The following RAB31 variants were observed in gnomAD, a reference collection of about 807,000 sequenced individuals.
RAB31 encodes ras-related protein Rab-31.
RAB31 carries 21 observed loss-of-function variants against 25.6 expected under a neutral mutation model. That is an observed-to-expected ratio of 0.82 (90% confidence interval 0.58 to 1.18). The LOEUF is 1.18. Ranked by LOEUF, RAB31 falls within the 50% of genes most tolerant of loss-of-function variation. The pLI, the probability that RAB31 is intolerant of heterozygous loss-of-function variation, is 0.00. For missense variants in RAB31, 196 were observed against 250.1 expected (o/e 0.78, Z 1.46); for synonymous variants, 87 against 84.0 (o/e 1.04, Z -0.20).
intron 3 of RAB31, among the ~76,000 whole-genome samples, chr18:9,811,282 A>T (rs74703673): frequency 0.018 from 2,707 of 152,274 alleles, 78 homozygotes; most frequent in African/African-American, 0.061. Context: ...CTTTCTCTTC[A>T]GGATGGAGAC....
intron 1 of RAB31, among the ~76,000 whole-genome samples, chr18:9,772,586 G>A (rs755485372): frequency 6.6e-6 from 1 of 152,234 alleles, no homozygotes; most frequent in African/African-American, 2.4e-5. Context: ...CCTGTTGGGC[G>A]AGTGAAGAAT....
chr18:9,724,202 C>T (rs1599012814), intron 1 of RAB31, among the ~76,000 whole-genome samples: 1 of 121,654 alleles, frequency 8.2e-6, no homozygotes, highest in South Asian at 3.0e-4. Flanking sequence ...ACCCGGGAGG[C>T]GGAGCTTGCA....
chr18:9,753,602 G>A (rs9946546), intron 1 of RAB31, among the ~76,000 whole-genome samples: 70,926 of 152,028 alleles, frequency 0.47, 16,667 homozygotes, highest in South Asian at 0.52. Flanking sequence ...TTGGCTCTGA[G>A]CTTTTTTCTT....
rs1181730979 is a variant in RAB31, at chr18:9,708,941, C to T, written c.39+497C>T. Among the ~76,000 whole-genome samples, 1 of 152,194 alleles carries T rather than the reference C, an allele frequency of 6.6e-6. No individual in the cohort carries two copies. The highest frequency in any genetic ancestry group is 1.5e-5 in the Non-Finnish European group (1 of 68,038). ...GCCAAGTCGCTGAGTGCTCTTTTGC[C>T]TCCTGGGGGCAATTGATTTACTCAC... On this transcript the variant is annotated intron_variant, in intron 1 of 6. Coordinates refer to ENST00000578921, the MANE Select transcript of RAB31 (RefSeq NM_006868.4). This position sits in a 1 kb window ranked among gnomAD's most constrained non-coding sequence, Gnocchi z 6.4.
At chr18:9,759,579 TTTAGGGGGA>T (rs149203738) in intron 1 of RAB31, among the ~76,000 whole-genome samples, 22,255 of 151,574 alleles carry the variant, frequency 0.15, 1,664 homozygotes, top group East Asian at 0.18. Flanking sequence ...TTCCATATGA[TTTAGGGGGA>T]TATTGGATGC....
intron 1 of RAB31, among the ~76,000 whole-genome samples, chr18:9,741,401 A>T (rs1470553199): frequency 1.3e-5 from 2 of 148,156 alleles, no homozygotes; most frequent in African/African-American, 2.6e-5. Context: ...AAAAAAAAAA[A>T]AAGGCAGCTG....
intron 1 of RAB31, among the ~76,000 whole-genome samples, chr18:9,749,547 A>G (rs1026831900): frequency 3.9e-5 from 6 of 152,200 alleles, no homozygotes; most frequent in Non-Finnish European, 8.8e-5. Context: ...TTTCTGGTCC[A>G]GTTCCCTAAG....
intron 5 of RAB31, among the ~76,000 whole-genome samples, chr18:9,834,802 G>A (rs141134114): frequency 6.6e-5 from 10 of 152,206 alleles, no homozygotes; most frequent in East Asian, 3.9e-4. Flanking sequence ...GATTTTCTTC[G>A]AAGACAGAGT....
intron 5 of RAB31, among the ~76,000 whole-genome samples, chr18:9,829,902 A>G (rs1430534309): frequency 6.6e-6 from 1 of 152,094 alleles, no homozygotes; most frequent in East Asian, 1.9e-4. Flanking sequence ...AAAAAAATAT[A>G]TACTTGATGC....
At chr18:9,857,667 A>AGATAGAT (rs1555693015) in intron 6 of RAB31, among the ~76,000 whole-genome samples, 1 of 125,848 alleles carries the variant, frequency 7.9e-6, no homozygotes, top group African/African-American at 2.8e-5. Flanking sequence ...ATAGATAGAT[A>AGATAGAT]GATAGATAGA....
chr18:9,819,283 A>G (rs535173059), intron 5 of RAB31, among the ~76,000 whole-genome samples: 2 of 152,138 alleles, frequency 1.3e-5, no homozygotes, highest in Non-Finnish European at 2.9e-5. Flanking sequence ...ATCTTTTGCC[A>G]TGTGGATATC....
intron 5 of RAB31, among the ~76,000 whole-genome samples, chr18:9,840,450 C>T (rs2068727746): frequency 6.6e-6 from 1 of 152,166 alleles, no homozygotes; most frequent in African/African-American, 2.4e-5. Flanking sequence ...CCTGTGGTGG[C>T]AGCCTTTCTG....
intron 1 of RAB31, among the ~76,000 whole-genome samples, chr18:9,709,597 T>TCGGCTCCCATCAC (rs1374243732): frequency 2.0e-5 from 3 of 152,184 alleles, no homozygotes; most frequent in Non-Finnish European, 4.4e-5. Flanking sequence ...GCTCCCATCA[T>TCGGCTCCCATCAC]CGGCTCCCAT....
intron 1 of RAB31, among the ~76,000 whole-genome samples, chr18:9,740,720 A>G (rs535977493): frequency 6.6e-6 from 1 of 152,292 alleles, no homozygotes; most frequent in South Asian, 2.1e-4. Context: ...CTCAAAAAAA[A>G]AAATTCTTTT....
intron 1 of RAB31, among the ~76,000 whole-genome samples, chr18:9,753,081 T>C (rs1599024710): frequency 1.3e-5 from 2 of 152,258 alleles, no homozygotes; most frequent in Non-Finnish European, 2.9e-5. Flanking sequence ...GGGATTCTTA[T>C]TAAGTTGTCT....
chr18:9,779,646 T>C (rs1240363647), intron 2 of RAB31, among the ~76,000 whole-genome samples: 1 of 152,194 alleles, frequency 6.6e-6, no homozygotes, highest in Non-Finnish European at 1.5e-5. Flanking sequence ...ACTAAAAATT[T>C]ATTAGTTCTT....
chr18:9,762,385 G>C (rs896243709), intron 1 of RAB31, among the ~76,000 whole-genome samples: 7 of 152,198 alleles, frequency 4.6e-5, no homozygotes, highest in Non-Finnish European at 1.5e-5. Flanking sequence ...TGCCTTGCTT[G>C]GTAAGCCAGG....
At chr18:9,802,320 C>T (rs986773687) in intron 3 of RAB31, among the ~76,000 whole-genome samples, 28 of 152,330 alleles carry the variant, frequency 1.8e-4, no homozygotes, top group African/African-American at 6.5e-4. Context: ...TGCCAGCTGT[C>T]TTTCAACTCT....
At chr18:9,858,332 G>C (rs564889241) in intron 6 of RAB31, among the ~76,000 whole-genome samples, 203 of 152,270 alleles carry the variant, frequency 1.3e-3, no homozygotes, top group Non-Finnish European at 2.1e-3. Flanking sequence ...AAAACTGGGA[G>C]CTACTAAGGT....
Sources: allele counts gnomAD v4.1 joint callset (sites outside exome capture counted in the v4.1 genomes callset), GRCh38; gene constraint gnomAD v4.1.1; non-coding constraint Gnocchi (gnomAD v3.1); transcripts MANE v1.5; gene names NCBI Gene and HGNC (gene_info 2026-07-23, HGNC 2026-07-21).